Variants in LRRIQ1 observed in about 807,000 individuals in gnomAD.
LRRIQ1 encodes leucine rich repeats and IQ motif containing 1.
A neutral mutation model predicts 211.9 loss-of-function variants in LRRIQ1; 210 were observed. That is an observed-to-expected ratio of 0.99 (90% confidence interval 0.89 to 1.11). The LOEUF is 1.11. Among genes scored for constraint, LRRIQ1 ranks in the 50% most tolerant of loss-of-function variants. The probability of loss-of-function intolerance (pLI) is 0.00; values close to 1 mark genes in which losing one functional copy is unlikely to be tolerated. For synonymous variants in LRRIQ1, 699 were observed against 650.1 expected (o/e 1.08, Z -1.14); for missense variants, 2,136 against 1,939.5 (o/e 1.10, Z -1.90).
chr12:85,139,598 C>T (rs561330848), intron 19 of LRRIQ1, among the ~76,000 whole-genome samples: 196 of 151,320 alleles, frequency 1.3e-3, no homozygotes, highest in Non-Finnish European at 2.3e-3. Context: ...TCAATTTTTT[C>T]TATCAAACGT....
In LRRIQ1 at chr12:85,056,064, A is replaced by G. The variant is rs745511043; in HGVS notation, c.1271A>G (p.Lys424Arg). 2 of 1,596,176 alleles carry G rather than the reference A, an allele frequency of 1.3e-6. No homozygotes were observed. The highest frequency in any genetic ancestry group is 3.6e-5 in the Admixed American group (2 of 55,350). The change falls in exon 8 of 27, where the codon AAA (lysine) becomes AGA (arginine). Residue 424 changes from lysine to arginine, a missense_variant. By Grantham distance (26) the Lys-to-Arg change is conservative (BLOSUM62 2). Transcript: ENST00000393217. Reference sequence around the variant, plus strand: ...TCAAATGATAAGGGTGATATAGCCAAAAATCTAGTGGATGAAAATTCAAAG... The same window carrying G: ...TCAAATGATAAGGGTGATATAGCCAGAAATCTAGTGGATGAAAATTCAAAG... ...DISNDKGDIAKNLVDENSKKQ... is the reference protein window; with the variant it reads ...DISNDKGDIARNLVDENSKKQ...
downstream of LRRIQ1, among the ~76,000 whole-genome samples, chr12:85,267,100 C>A (rs1050426130): frequency 1.3e-5 from 2 of 151,948 alleles, no homozygotes; most frequent in South Asian, 4.1e-4. Flanking sequence ...AAAATAAATA[C>A]GTCTGAAAAG....
chr12:85,059,722 G>T (rs1170870119), intron 8 of LRRIQ1, among the ~76,000 whole-genome samples: 1 of 151,890 alleles, frequency 6.6e-6, no homozygotes, highest in Non-Finnish European at 1.5e-5. Context: ...AAGAATTCCA[G>T]TCGAAATATT....
chr12:85,226,331 C>T (rs1894649691), intron 24 of LRRIQ1, among the ~76,000 whole-genome samples: 1 of 152,060 alleles, frequency 6.6e-6, no homozygotes, highest in African/African-American at 2.4e-5. Context: ...GTCTTGGGCT[C>T]AGTTGATCAT....
At chr12:85,206,575 A>G (rs968617967) in intron 24 of LRRIQ1, among the ~76,000 whole-genome samples, 4 of 152,036 alleles carry the variant, frequency 2.6e-5, no homozygotes, top group East Asian at 1.9e-4. Flanking sequence ...CAGCAAAGCA[A>G]TGGGGGTGAG....
Position 85,055,573 on chromosome 12 carries a change from A to C in LRRIQ1, c.780A>C (p.Gln260His), listed in dbSNP as rs185585694. Residue 260 changes from glutamine to histidine, a missense_variant, in exon 8 of 27, where the codon CAA (glutamine) becomes CAC (histidine). Gln to His is a conservative substitution (Grantham distance 24, BLOSUM62 0). Coordinates refer to ENST00000393217, the MANE Select transcript of LRRIQ1 (RefSeq NM_001079910.2). The stretch of plus-strand genomic sequence containing the variant: ...AGTATATTAGAAACTTGCATTTACA[A>C]ATGGAAGAAGAAAGAACAAGATTTA... Reference protein sequence around the residue: ...HEEYIRNLHLQMEEERTRFKD... With the variant: ...HEEYIRNLHLHMEEERTRFKD... 353 of 1,544,514 alleles carry C rather than the reference A, an allele frequency of 2.3e-4. 4 individuals carry two copies. In the East Asian group the frequency reaches 7.5e-3, roughly 33 times the overall value.
Position 85,040,548 on chromosome 12 carries a change from G to A in LRRIQ1, c.191G>A (p.Ser64Asn). The A allele has an allele frequency of 6.3e-7, 1 of 1,599,470 alleles. No individual in the cohort carries two copies. Residue 64 changes from serine to asparagine, a missense_variant, in exon 3 of 27, where the codon AGT becomes AAT. Transcript: ENST00000393217. ...TGTATTAACATCATAAAGAACAGGA[G>A]TAAAGCTGTTGAAGAGCTCATTCTT... ...LHCINIIKNR[S>N]KAVEELILQD...
In LRRIQ1 at chr12:85,047,465, C is replaced by T; in HGVS notation, c.673C>T (p.Gln225Ter). 1.9e-6 allele frequency: 3 copies of T among 1,609,722 alleles called. No individual in the cohort carries two copies. Among genetic ancestry groups the T allele is most frequent in the Non-Finnish European group, 2.5e-6 (3 of 1,178,268 alleles). The change falls in exon 6 of 27, where the codon CAG (glutamine) becomes TAG (stop). Residue 225 changes from glutamine (Q) to a stop codon, truncating the protein, a stop_gained. Transcript: ENST00000393217. LOFTEE classifies it high-confidence loss of function. ...KVEKKKLENI[Q>*]KQEQDKMNDE... ...TGAAAAGAAGAAATTAGAGAACATT[C>T]AGAAGGTATTTTGCTTTTGTTTTTC... is the stretch of plus-strand genomic sequence containing the variant.
intron 24 of LRRIQ1, among the ~76,000 whole-genome samples, chr12:85,174,037 A>G (rs1301180101): frequency 2.0e-5 from 3 of 152,086 alleles, no homozygotes; most frequent in East Asian, 1.9e-4. Flanking sequence ...ATAGACCCCC[A>G]CTCTAAAAGA....
At chr12:85,219,057 T>C (rs1367996109) in intron 24 of LRRIQ1, among the ~76,000 whole-genome samples, 17 of 152,118 alleles carry the variant, frequency 1.1e-4, no homozygotes, top group Admixed American at 9.2e-4. Flanking sequence ...CCTACTCACC[T>C]TACTCTAGTC....
intron 13 of LRRIQ1, among the ~76,000 whole-genome samples, chr12:85,102,529 A>G (rs1321561001): frequency 6.6e-6 from 1 of 151,710 alleles, no homozygotes; most frequent in Non-Finnish European, 1.5e-5. Flanking sequence ...GCCTCATTAT[A>G]TCATCTACTT....
intron 24 of LRRIQ1, among the ~76,000 whole-genome samples, chr12:85,223,182 C>T (rs1177488962): frequency 2.0e-5 from 3 of 152,106 alleles, no homozygotes; most frequent in Admixed American, 6.6e-5. Context: ...ATACCTAGTC[C>T]TCTCAGCTGT....
chr12:85,268,557 T>A (rs1042236294), downstream of LRRIQ1, among the ~76,000 whole-genome samples: 1 of 151,970 alleles, frequency 6.6e-6, no homozygotes, highest in Non-Finnish European at 1.5e-5. Flanking sequence ...ATGAGGACAT[T>A]GTCCTACAGG....
chr12:85,093,175 G>A (rs11116703), intron 11 of LRRIQ1, among the ~76,000 whole-genome samples: 8,669 of 152,158 alleles, frequency 0.057, 835 homozygotes, highest in African/African-American at 0.2. Context: ...AACAGCTGCA[G>A]AACTATTCAA....
intron 19 of LRRIQ1, among the ~76,000 whole-genome samples, chr12:85,141,857 CA>C (rs1361992103): frequency 1.3e-5 from 2 of 150,646 alleles, no homozygotes; most frequent in East Asian, 2.0e-4. Context: ...TTGCATTTAT[CA>C]AGTATTTTTG....
intron 24 of LRRIQ1, among the ~76,000 whole-genome samples, chr12:85,169,114 A>G (rs1253350342): frequency 6.6e-6 from 1 of 152,208 alleles, no homozygotes; most frequent in Non-Finnish European, 1.5e-5. Context: ...TCTACTAATT[A>G]ATGACATTCT....
At chr12:85,102,959 AATAT>A (rs1197049295) in intron 13 of LRRIQ1, among the ~76,000 whole-genome samples, 1,271 of 108,344 alleles carry the variant, frequency 0.012, 31 homozygotes, top group African/African-American at 0.027. Flanking sequence ...AAAAAAAAAA[AATAT>A]ATATATATAT....
chr12:85,172,068 A>G (rs1891446370), intron 24 of LRRIQ1, among the ~76,000 whole-genome samples: 1 of 152,178 alleles, frequency 6.6e-6, no homozygotes, highest in South Asian at 2.1e-4. Context: ...AAGCACGCAT[A>G]CCACCCAACT....
chr12:85,185,865 A>C lies in LRRIQ1; in HGVS notation c.4822+25151A>C, dbSNP rs1892203552. 3.3e-5 allele frequency among the ~76,000 whole-genome samples: 5 copies of C among 152,010 alleles called. 1 individual carries two copies. Among genetic ancestry groups the C allele is most frequent in the Admixed American group, 3.3e-4 (5 of 15,252 alleles). ...TTTATAAATTTTGTGTATTTTATCA[A>C]AAATTACTTTTTTGAATTTTAATTG... is the stretch of plus-strand genomic sequence containing the variant. On this transcript the variant is annotated intron_variant, in intron 24 of 26. Transcript: ENST00000393217.
Sources: allele counts gnomAD v4.1 joint callset (sites outside exome capture counted in the v4.1 genomes callset), GRCh38; gene constraint gnomAD v4.1.1; transcripts MANE v1.5; gene names NCBI Gene and HGNC (gene_info 2026-07-23, HGNC 2026-07-21).